Variants in MAPRE2 observed in about 807,000 individuals in gnomAD.
MAPRE2 encodes the protein microtubule associated protein RP/EB family member 2, also known as microtubule-associated protein RP/EB family member 2.
A neutral mutation model predicts 43.2 loss-of-function variants in MAPRE2; 13 were observed. The observed-to-expected ratio is 0.30, with a 90% CI of 0.20 to 0.48. MAPRE2 has a LOEUF of 0.48. Ranked by LOEUF, MAPRE2 falls within the 20% of genes least tolerant of loss-of-function variation. MAPRE2 has a pLI of 0.99. For synonymous variants in MAPRE2, 135 were observed against 148.8 expected (o/e 0.91, Z 0.68); for missense variants, 161 against 400.2 (o/e 0.40, Z 5.10).
chr18:35,056,792 A>G (rs933871197), intron 1 of MAPRE2, among the ~76,000 whole-genome samples: 1 of 152,166 alleles, frequency 6.6e-6, no homozygotes, highest in African/African-American at 2.4e-5. Context: ...TCTTTATCCC[A>G]AGTTTAACAA....
chr18:35,109,482 T>C (rs769944075), intron 4 of MAPRE2, among the ~76,000 whole-genome samples: 1 of 152,328 alleles, frequency 6.6e-6, no homozygotes, highest in Non-Finnish European at 1.5e-5. Flanking sequence ...AGTTTTTTAC[T>C]AATTCTGTGA....
chr18:35,031,438 G>C (rs1291795684), intron 2 of MAPRE2, among the ~76,000 whole-genome samples: 2 of 152,074 alleles, frequency 1.3e-5, no homozygotes, highest in African/African-American at 4.8e-5. Context: ...CACATTTAAA[G>C]CTCTTAAATT....
At chr18:35,052,400 C>G in intron 1 of MAPRE2, among the ~76,000 whole-genome samples, 1 of 152,196 alleles carries the variant, frequency 6.6e-6, no homozygotes, top group Admixed American at 6.5e-5. Flanking sequence ...CTCAGTAGTT[C>G]ATCACTCTTT....
chr18:34,985,129 A>G (rs1311977382), intron 1 of MAPRE2, among the ~76,000 whole-genome samples: 1 of 85,634 alleles, frequency 1.2e-5, no homozygotes, highest in South Asian at 3.7e-4. Flanking sequence ...TATATTATAT[A>G]TAAATATATA....
intron 2 of MAPRE2, among the ~76,000 whole-genome samples, chr18:35,010,114 T>C (rs952560103): frequency 1.3e-5 from 2 of 152,200 alleles, no homozygotes; most frequent in Non-Finnish European, 2.9e-5. Flanking sequence ...ATTTAGACCA[T>C]GGTAGGTCAC....
chr18:34,990,486 A>T (rs533417903), intron 1 of MAPRE2, among the ~76,000 whole-genome samples: 2 of 152,040 alleles, frequency 1.3e-5, no homozygotes, highest in Admixed American at 6.6e-5. Flanking sequence ...GTGTTGGGAT[A>T]TTTTTGTCTG....
At chr18:35,061,810 T>C (rs1402092049) in intron 1 of MAPRE2, among the ~76,000 whole-genome samples, 1 of 152,190 alleles carries the variant, frequency 6.6e-6, no homozygotes, top group Non-Finnish European at 1.5e-5. Context: ...CTTTGCTCCA[T>C]CCTGATCTCC....
intron 1 of MAPRE2, among the ~76,000 whole-genome samples, chr18:35,053,949 A>C (rs1349471315): frequency 1.2e-4 from 19 of 152,368 alleles, no homozygotes; most frequent in Non-Finnish European, 2.8e-4. Flanking sequence ...AAACATTTTA[A>C]AAACTAAGTA....
chr18:35,084,471 T>G (rs1312601332), intron 2 of MAPRE2, among the ~76,000 whole-genome samples: 1 of 152,208 alleles, frequency 6.6e-6, no homozygotes, highest in East Asian at 1.9e-4. Flanking sequence ...ACCAATCACA[T>G]GATTTGACAA....
chr18:35,003,707 C>A (rs895525729), intron 1 of MAPRE2, among the ~76,000 whole-genome samples: 1 of 152,122 alleles, frequency 6.6e-6, no homozygotes, highest in Non-Finnish European at 1.5e-5. Context: ...GCTTGCACAG[C>A]TACTGGGTAC....
chr18:34,997,706 T>G (rs574793181), intron 1 of MAPRE2, among the ~76,000 whole-genome samples: 2 of 152,134 alleles, frequency 1.3e-5, no homozygotes, highest in South Asian at 4.2e-4. Context: ...ATCCCAGCTA[T>G]TCGGGAGGCT....
At chr18:35,118,044 A>C (rs1219278439) in intron 4 of MAPRE2, among the ~76,000 whole-genome samples, 2 of 152,176 alleles carry the variant, frequency 1.3e-5, no homozygotes, top group Admixed American at 6.5e-5. Context: ...CATCTCTAGC[A>C]GGGACAGTAA....
At chr18:35,088,360 A>G (rs1013544749) in intron 2 of MAPRE2, among the ~76,000 whole-genome samples, 6 of 152,198 alleles carry the variant, frequency 3.9e-5, no homozygotes, top group Admixed American at 2.0e-4. Flanking sequence ...GAAGTGTTCT[A>G]GGAACAGCAA....
intron 2 of MAPRE2, among the ~76,000 whole-genome samples, chr18:35,012,159 AG>A: frequency 6.6e-6 from 1 of 152,174 alleles, no homozygotes; most frequent in Non-Finnish European, 1.5e-5. Flanking sequence ...TGTAAACGTG[AG>A]GACAAGAATC....
chr18:35,140,540 C>A lies in MAPRE2; in HGVS notation c.*171C>A. On this transcript the variant is annotated 3_prime_UTR_variant, in exon 7 of 7. Transcript: ENST00000300249. ...TGCGCTTGGTTCCCATTTTCTTTGC[C>A]AAGGTGTATTAGCGGACGGCCCTCT... 1 of 679,612 alleles carries A rather than the reference C, an allele frequency of 1.5e-6. No individual in the cohort carries two copies. The highest frequency in any genetic ancestry group is 2.5e-6 in the Non-Finnish European group (1 of 404,466). 42.1% of individuals were successfully genotyped at this position (679,612 alleles called of 1,614,324 possible). A position where few individuals can be genotyped will look rare whatever the true frequency, so the allele number is the denominator to read the frequency against.
chr18:35,061,126 G>T (rs1312234264), intron 1 of MAPRE2, among the ~76,000 whole-genome samples: 1 of 152,130 alleles, frequency 6.6e-6, no homozygotes, highest in Admixed American at 6.5e-5. Flanking sequence ...AACTTTGTAT[G>T]CACATTAAAA....
chr18:35,035,895 C>A, intron 2 of MAPRE2, among the ~76,000 whole-genome samples: 1 of 135,894 alleles, frequency 7.4e-6, no homozygotes, highest in Admixed American at 8.6e-5. Context: ...TAATGACCAC[C>A]TGTTACGTAA....
chr18:35,011,184 C>T lies in MAPRE2; in HGVS notation c.-8+5631C>T, dbSNP rs372703539. 3.9e-5 allele frequency among the ~76,000 whole-genome samples: 6 copies of T among 152,174 alleles called. No homozygotes were observed. In the East Asian group the frequency reaches 9.7e-4, roughly 25 times the overall value. Reference sequence around the variant, plus strand: ...CTGTGGTGGGAGAAGTACAGGATGCCGTGGGAGTCCTCAGCAGCAACAGCT... The same window carrying T: ...CTGTGGTGGGAGAAGTACAGGATGCTGTGGGAGTCCTCAGCAGCAACAGCT... On this transcript the variant is annotated intron_variant, in intron 2 of 7. Coordinates refer to the MAPRE2 transcript ENST00000413393.
chr18:34,985,745 T>TATGTAATATATAAAATATATTAC (rs2097020628), intron 1 of MAPRE2, among the ~76,000 whole-genome samples: 12 of 125,376 alleles, frequency 9.6e-5, no homozygotes, highest in Admixed American at 6.3e-4. Flanking sequence ...ATATATATTA[T>TATGTAATATATAAAATATATTAC]ATATGTAATA....
Sources: gnomAD v4.1 joint callset for allele counts (sites outside exome capture counted in the v4.1 genomes callset) on GRCh38, gnomAD v4.1.1 for gene constraint, MANE v1.5 for transcripts, NCBI Gene and HGNC (gene_info 2026-07-23, HGNC 2026-07-21) for gene names.